The following RPS6KA2 variants were observed in gnomAD, a reference collection of about 807,000 sequenced individuals.
RPS6KA2 encodes the protein ribosomal protein S6 kinase alpha-2.
In RPS6KA2, 42 loss-of-function variants were observed where a neutral mutation model predicts 91.8. The ratio of observed to expected loss-of-function variants is 0.46; its 90% CI spans 0.36 to 0.59. RPS6KA2 has a LOEUF of 0.59. RPS6KA2 is among the 20% of genes least tolerant of loss of function. The pLI is 0.00. For missense variants in RPS6KA2, 798 were observed against 978.5 expected, an observed-to-expected ratio of 0.82 and a Z score of 2.46; for synonymous variants, 414 against 393.6, an observed-to-expected ratio of 1.05 and a Z score of -0.61.
chr6:166,745,260 C>T (rs879810439), intron 2 of RPS6KA2, among the ~76,000 whole-genome samples: 11 of 151,432 alleles, frequency 7.3e-5, no homozygotes, highest in African/African-American at 2.2e-4. Flanking sequence ...CAAGCGATTC[C>T]CCTGCCTCAG....
intron 2 of RPS6KA2, among the ~76,000 whole-genome samples, chr6:166,723,699 C>CTTTTTTTTT (rs10637819): frequency 1.4e-5 from 2 of 146,226 alleles, no homozygotes; most frequent in African/African-American, 5.4e-5. Context: ...TTTTTCTTTT[C>CTTTTTTTTT]TTTTCTTTTT....
chr6:166,813,706 G>A (rs1779695179), intron 2 of RPS6KA2, among the ~76,000 whole-genome samples: 1 of 152,168 alleles, frequency 6.6e-6, no homozygotes, highest in African/African-American at 2.4e-5. Context: ...CCGTCACGAG[G>A]CTTTCTCCCT....
chr6:166,628,316 A>G (rs1479295426), upstream of RPS6KA2, among the ~76,000 whole-genome samples: 3 of 151,834 alleles, frequency 2.0e-5, no homozygotes, highest in Non-Finnish European at 2.9e-5. Flanking sequence ...GCACGTGTTG[A>G]GTTTGTATTT....
Position 166,418,900 on chromosome 6 carries a change from C to T in RPS6KA2, c.1821-558G>A, listed in dbSNP as rs1036836738. Among the ~76,000 whole-genome samples the T allele has an allele frequency of 1.2e-4, 18 of 152,376 alleles. No homozygotes were observed. Among genetic ancestry groups the T allele is most frequent in the South Asian group, 2.1e-4 (1 of 4,828 alleles). On this transcript the variant is annotated intron_variant, in intron 18 of 20. Transcript: ENST00000265678. The surrounding 1 kb of genome is among the most constrained non-coding windows in gnomAD (Gnocchi z 4.9). ...ACACACTCCTAGGAAAGGAAGGACA[C>T]GTGTGCTGCCAGCGCTTCCTCTAGT...
chr6:166,629,847 A>G (rs1787018061), upstream of RPS6KA2, among the ~76,000 whole-genome samples: 1 of 152,216 alleles, frequency 6.6e-6, no homozygotes, highest in African/African-American at 2.4e-5. Context: ...ATGTGTGGTC[A>G]ATGCAATTCC....
intron 2 of RPS6KA2, among the ~76,000 whole-genome samples, chr6:166,755,597 G>C (rs1007861694): frequency 6.6e-6 from 1 of 152,140 alleles, no homozygotes; most frequent in Non-Finnish European, 1.5e-5. Context: ...AGGGCTGGGG[G>C]TCCTTTCGAC....
chr6:166,585,056 G>T (rs965432817), intron 1 of RPS6KA2, among the ~76,000 whole-genome samples: 1 of 150,822 alleles, frequency 6.6e-6, no homozygotes, highest in Non-Finnish European at 1.5e-5. Flanking sequence ...ACCTCTGAGT[G>T]CTGAGCACAC....
At chr6:166,645,558 G>A (rs183987092) in intron 2 of RPS6KA2, among the ~76,000 whole-genome samples, 105 of 152,254 alleles carry the variant, frequency 6.9e-4, no homozygotes, top group Non-Finnish European at 1.1e-3. Context: ...CCACTCCTGG[G>A]AGGTCTGCCC....
chr6:166,832,636 C>T (rs75539067), intron 2 of RPS6KA2, among the ~76,000 whole-genome samples: 5 of 152,132 alleles, frequency 3.3e-5, no homozygotes, highest in Non-Finnish European at 7.4e-5. Context: ...GCTGGGAGGT[C>T]GCAGTGCCCC....
chr6:166,775,086 C>T (rs1348072022), intron 2 of RPS6KA2, among the ~76,000 whole-genome samples: 1 of 152,146 alleles, frequency 6.6e-6, no homozygotes, highest in African/African-American at 2.4e-5. Context: ...GCTACACAAC[C>T]AATTTTACGA....
Position 166,434,032 on chromosome 6 carries a change from T to A in RPS6KA2, c.1333-1542A>T, listed in dbSNP as rs140402539. ...GCCTCAGCCTCCCAAAGTGCTGAGA[T>A]TACAGGCATGAGCAACTACACCTGG... is the stretch of plus-strand genomic sequence containing the variant. On this transcript the variant is annotated intron_variant, in intron 14 of 20. Coordinates refer to ENST00000265678, the MANE Select transcript of RPS6KA2 (RefSeq NM_021135.6). This position sits in a 1 kb window ranked among gnomAD's most constrained non-coding sequence, Gnocchi z 4.4. Among the ~76,000 whole-genome samples the A allele has an allele frequency of 6.0e-3, 908 of 152,238 alleles. 22 individuals carry two copies. The highest frequency in any genetic ancestry group is 0.046 in the East Asian group (240 of 5,186).
At chr6:166,775,299 T>G (rs2128608298) in intron 2 of RPS6KA2, among the ~76,000 whole-genome samples, 1 of 123,868 alleles carries the variant, frequency 8.1e-6, no homozygotes, top group Middle Eastern at 4.5e-3. Flanking sequence ...CCTCAGGAGC[T>G]CCACCTTTGG....
rs1790329782 is a variant in RPS6KA2, at chr6:166,726,094, T to G, written c.123+132106A>C. 6.6e-6 allele frequency among the ~76,000 whole-genome samples: 1 copy of G among 152,016 alleles called. No individual in the cohort carries two copies. The highest frequency in any genetic ancestry group is 2.4e-5 in the African/African-American group (1 of 41,334). ...TCTGTGAAAACACGTGGCTTTTAGG[T>G]CCTACAGAAATGCCCTTAGGCTACA... On this transcript the variant is annotated intron_variant, in intron 2 of 21. Coordinates refer to the RPS6KA2 transcript ENST00000503859. This position sits in a 1 kb window ranked among gnomAD's most constrained non-coding sequence, Gnocchi z 4.4.
intron 10 of RPS6KA2, among the ~76,000 whole-genome samples, chr6:166,483,100 C>T (rs773816557): frequency 3.9e-5 from 6 of 152,138 alleles, no homozygotes; most frequent in Non-Finnish European, 8.8e-5. Flanking sequence ...GCCTTTGGGC[C>T]GATGGGGCCG....
intron 1 of RPS6KA2, among the ~76,000 whole-genome samples, chr6:166,541,741 C>T (rs1021299999): frequency 2.6e-5 from 4 of 152,166 alleles, no homozygotes; most frequent in Non-Finnish European, 5.9e-5. Flanking sequence ...TGTAACGTTT[C>T]GAATCAAAGC....
chr6:166,653,941 T>G (rs1787935055), intron 2 of RPS6KA2, among the ~76,000 whole-genome samples: 2 of 152,354 alleles, frequency 1.3e-5, no homozygotes, highest in Non-Finnish European at 2.9e-5. Flanking sequence ...ATCATGAATA[T>G]TTTTAATCTG....
intron 3 of RPS6KA2, among the ~76,000 whole-genome samples, chr6:166,523,878 TATTTC>T (rs1782936314): frequency 6.6e-6 from 1 of 152,208 alleles, no homozygotes; most frequent in East Asian, 1.9e-4. Flanking sequence ...GAGGAGGTTC[TATTTC>T]AAGATGCTGT....
chr6:166,812,761 T>A (rs558759153), intron 2 of RPS6KA2, among the ~76,000 whole-genome samples: 1 of 152,240 alleles, frequency 6.6e-6, no homozygotes, highest in African/African-American at 2.4e-5. Context: ...AGTGACCTCA[T>A]GAGAAGATCA....
chr6:166,645,143 A>G (rs746200728), intron 2 of RPS6KA2, among the ~76,000 whole-genome samples: 6 of 152,228 alleles, frequency 3.9e-5, no homozygotes, highest in Non-Finnish European at 5.9e-5. Context: ...TAGAAAATGA[A>G]CGAAACTACT....
Sources: gnomAD v4.1 joint callset for allele counts (sites outside exome capture counted in the v4.1 genomes callset) on GRCh38, gnomAD v4.1.1 for gene constraint, Gnocchi (gnomAD v3.1) non-coding constraint, MANE v1.5 for transcripts, NCBI Gene and HGNC (gene_info 2026-07-23, HGNC 2026-07-21) for gene names.